MELTF: variants seen among roughly 807,000 people sequenced by gnomAD.
MELTF encodes melanotransferrin, also known as antigen p97 (melanoma associated) identified by monoclonal antibodies 133.2 and 96.5.
Under a neutral mutation model 83.7 loss-of-function variants are expected in MELTF, and 67 were observed. The ratio of observed to expected loss-of-function variants is 0.80; its 90% CI spans 0.66 to 0.98. The LOEUF is 0.98. MELTF is among the 50% of genes least tolerant of loss of function. MELTF has a pLI of 0.00. For synonymous variants in MELTF, 462 were observed against 447.6 expected (o/e 1.03, Z -0.41); for missense variants, 1,002 against 1,035.6 (o/e 0.97, Z 0.44).
rs914426736 is a variant in MELTF at position 197,029,757 on chromosome 3, G to A, written c.-55C>T. 2.2e-5 allele frequency: 25 copies of A among 1,159,762 alleles called. No homozygotes were observed. The African/African-American group carries it at 3.5e-4, about 16-fold the overall frequency. 71.8% of individuals were successfully genotyped at this position (1,159,762 alleles called of 1,614,324 possible). ...TGGGGCTGGGTCCGGGTCCGAGGAG[G>A]TCCGCAGCAGCCGGGCTTCCTCCCT... is the stretch of plus-strand genomic sequence containing the variant. On this transcript the variant is annotated 5_prime_UTR_variant, in exon 1 of 16. Transcript: ENST00000296350. This position sits in a 1 kb window ranked among gnomAD's most constrained non-coding sequence, Gnocchi z 6.5.
At position 197,009,769 on chromosome 3, in the gene MELTF, T is replaced by A; in HGVS notation, c.1374A>T (p.Arg458Ser). The change falls in exon 11 of 16, where the codon AGA (arginine) becomes AGT (serine). Residue 458 changes from arginine to serine, a missense_variant. By Grantham distance (110) the Arg-to-Ser change is moderately radical. Coordinates refer to ENST00000296350, the MANE Select transcript of MELTF (RefSeq NM_005929.6). ...AGGTGAAGGCGTGGGAGCTGTCCCG[T>A]CTCACCACGGCCACCACGTAGTACG... ...SNSYYVVAVV[R>S]RDSSHAFTLD... The A allele has an allele frequency of 6.2e-7, 1 of 1,613,354 alleles. No individual in the cohort carries two copies.
At chr3:197,019,250 A>C in intron 6 of MELTF, 1 of 1,021,000 alleles carries the variant, frequency 9.8e-7, no homozygotes, top group African/African-American at 1.7e-5. Context: ...CTGGGGCATC[A>C]TTTGCCTTCC....
At chr3:197,016,931 C>A (rs1010539601) in intron 7 of MELTF, among the ~76,000 whole-genome samples, 172 bp downstream of exon 7, 3 of 152,202 alleles carry the variant, frequency 2.0e-5, no homozygotes, top group African/African-American at 7.2e-5. Context: ...GGCCAGCCCT[C>A]CTTCTGGCCA....
At position 197,006,679 on chromosome 3, in the gene MELTF, C is replaced by A; in HGVS notation, c.1808G>T (p.Cys603Phe). ...ELRSEDYELL[C>F]PNGARAEVSQ... ...CACCTCGGCTCGGGCCCCGTTGGGG[C>A]ACAGCAGTTCATAGTCCTCTGACCT... Residue 603 changes from cysteine to phenylalanine, a missense_variant, in exon 14 of 16, where the codon TGC becomes TTC. Coordinates refer to ENST00000296350, the MANE Select transcript of MELTF (RefSeq NM_005929.6). The surrounding 1 kb of genome is among the most constrained non-coding windows in gnomAD (Gnocchi z 5.4). The A allele has an allele frequency of 6.3e-7, 1 of 1,587,620 alleles. No individual in the cohort carries two copies. The highest frequency in any genetic ancestry group is 1.7e-5 in the Admixed American group (1 of 57,756).
At chr3:197,018,477 T>TA (rs1290079812) in intron 6 of MELTF, among the ~76,000 whole-genome samples, 1 of 138,428 alleles carries the variant, frequency 7.2e-6, no homozygotes. Context: ...GATGGAGTCT[T>TA]ACTCTGTCGC....
intron 6 of MELTF, chr3:197,018,865 G>C (rs949831902): frequency 8.8e-6 from 8 of 909,930 alleles, no homozygotes; most frequent in Non-Finnish European, 7.9e-6. Flanking sequence ...TTTCTCGATA[G>C]AAAAGAAAAT....
chr3:197,026,562 A>T (rs1248737656), intron 3 of MELTF, 98 bp downstream of exon 3: 5 of 1,054,304 alleles, frequency 4.7e-6, no homozygotes, highest in Non-Finnish European at 7.3e-6. Context: ...CTCTGTGGAC[A>T]GGGCTGATGG....
At chr3:197,013,106 G>A (rs1719244218) in intron 9 of MELTF, among the ~76,000 whole-genome samples, 1 of 152,166 alleles carries the variant, frequency 6.6e-6, no homozygotes, top group African/African-American at 2.4e-5. Context: ...GGAACCACAA[G>A]GGACCCTGAA....
At chr3:197,018,441 A>G (rs11717812) in intron 6 of MELTF, among the ~76,000 whole-genome samples, 35,291 of 143,706 alleles carry the variant, frequency 0.25, 4,177 homozygotes, top group Middle Eastern at 0.41. Context: ...GTGAGCCTCC[A>G]CACCTGGCCT....
At position 197,029,628 on chromosome 3, in the gene MELTF, CT is replaced by C. The variant is rs1560228498; in HGVS notation, c.49+25del. The C allele has an allele frequency of 8.1e-7, 1 of 1,241,522 alleles. No homozygotes were observed. 76.9% of individuals were successfully genotyped at this position (1,241,522 alleles called of 1,614,324 possible). A position where few individuals can be genotyped will look rare whatever the true frequency, so the allele number is the denominator to read the frequency against. On this transcript the variant is annotated intron_variant, in intron 1 of 15. Coordinates refer to ENST00000296350, the MANE Select transcript of MELTF (RefSeq NM_005929.6). This position sits in a 1 kb window ranked among gnomAD's most constrained non-coding sequence, Gnocchi z 6.5. ...GCGGCGCCCCGGGACCCCCGCCCGC[CT>C]TTGGCTCTCACAGCGGGGCCTCACC...
rs1030936441 is a variant in MELTF, at chr3:197,008,180, C to A, written c.1750+477G>T. ...CAGGAAGGTGACTCCAGGAAGAAAACCCCCTGTGTGGTATGTTGGGCGTGC... is the reference window on the plus strand; with the variant it reads ...CAGGAAGGTGACTCCAGGAAGAAAAACCCCTGTGTGGTATGTTGGGCGTGC... On this transcript the variant is annotated intron_variant, in intron 13 of 15. Coordinates refer to ENST00000296350, the MANE Select transcript of MELTF (RefSeq NM_005929.6). This position sits in a 1 kb window ranked among gnomAD's most constrained non-coding sequence, Gnocchi z 5.4. Among the ~76,000 whole-genome samples, 1 of 152,166 alleles carries A rather than the reference C, an allele frequency of 6.6e-6. No individual in the cohort carries two copies. The highest frequency in any genetic ancestry group is 1.5e-5 in the Non-Finnish European group (1 of 68,032).
chr3:197,023,178 G>T, intron 4 of MELTF, 65 bp from the exon 5 acceptor site: 1 of 1,513,572 alleles, frequency 6.6e-7, no homozygotes, highest in Non-Finnish European at 9.1e-7. Context: ...AAGCCCCCAG[G>T]GTCAGCAGGG....
At position 197,024,459 on chromosome 3, in the gene MELTF, C is replaced by A; in HGVS notation, c.331G>T (p.Ala111Ser). ...QEVGTSYYAVAVVRRSSHVTI... is the reference protein window; with the variant it reads ...QEVGTSYYAVSVVRRSSHVTI... Reference sequence around the variant, plus strand: ...ACATGGGAGCTCCTCCTGACCACAGCCACGGCGTAATAGGAGGTACCGACC... The same window carrying A: ...ACATGGGAGCTCCTCCTGACCACAGACACGGCGTAATAGGAGGTACCGACC... Residue 111 changes from alanine (A) to serine (S), a missense_variant, in exon 4 of 16, where the codon GCT becomes TCT. Coordinates refer to ENST00000296350, the MANE Select transcript of MELTF (RefSeq NM_005929.6). This position sits in a 1 kb window ranked among gnomAD's most constrained non-coding sequence, Gnocchi z 5.3. The A allele has an allele frequency of 6.3e-7, 1 of 1,598,908 alleles. No individual in the cohort carries two copies. Among genetic ancestry groups the A allele is most frequent in the Non-Finnish European group, 8.5e-7 (1 of 1,169,636 alleles).
rs1560213364 is a variant in MELTF, at chr3:197,010,800, G to A, written c.1234-6C>T. 6.2e-7 allele frequency: 1 copy of A among 1,613,200 alleles called. No homozygotes were observed. The highest frequency in any genetic ancestry group is 8.5e-7 in the Non-Finnish European group (1 of 1,179,924). On this transcript the variant is annotated splice_polypyrimidine_tract_variant and splice_region_variant and intron_variant, in intron 9 of 15. Transcript: ENST00000296350. ...ACAGCGTCGACCTGCTCAGCCTGAA[G>A]GGAATAGAAGAAGCCACTGGGCCGG...
At position 197,002,762 on chromosome 3, in the gene MELTF, G is replaced by A. The variant is rs1718789653; in HGVS notation, c.*610C>T. 6.6e-6 allele frequency: 1 copy of A among 152,322 alleles called. No individual in the cohort carries two copies. Among genetic ancestry groups the A allele is most frequent in the Non-Finnish European group, 1.5e-5 (1 of 68,130 alleles). 9.4% of individuals were successfully genotyped at this position (152,322 alleles called of 1,614,324 possible). A position where few individuals can be genotyped will look rare whatever the true frequency, so the allele number is the denominator to read the frequency against. ...CACAGTGGGGGACGAGGCAGGGCAC[G>A]CGGCGTTCCCCGGGCTCGGCCTCCC... On this transcript the variant is annotated 3_prime_UTR_variant, in exon 16 of 16. Transcript: ENST00000296350.
rs759625442 is a variant in MELTF, at chr3:197,009,737, T to A, written c.1406A>T (p.Glu469Val). The change falls in exon 11 of 16, where the codon GAG becomes GTG. Residue 469 changes from glutamate to valine, a missense_variant. Glu to Val is a moderately radical substitution (Grantham distance 121). Transcript: ENST00000296350. ...GTGGCAGGAGCGCTTGCCCCGAAGC[T>A]CATCCAAGGTGAAGGCGTGGGAGCT... ...RDSSHAFTLDELRGKRSCHAG... is the reference protein window; with the variant it reads ...RDSSHAFTLDVLRGKRSCHAG... The A allele has an allele frequency of 5.0e-6, 8 of 1,613,422 alleles. No homozygotes were observed. The highest frequency in any genetic ancestry group is 6.8e-6 in the Non-Finnish European group (8 of 1,180,020).
At chr3:197,012,481 C>T (rs1719225027) in intron 9 of MELTF, among the ~76,000 whole-genome samples, 1 of 152,252 alleles carries the variant, frequency 6.6e-6, no homozygotes, top group African/African-American at 2.4e-5. Flanking sequence ...TGTATTCTTG[C>T]CCGGTCTCCT....
At chr3:197,026,542 T>G in intron 3 of MELTF, 118 bp downstream of exon 3, 1 of 866,594 alleles carries the variant, frequency 1.2e-6, no homozygotes. Flanking sequence ...TGGCTGGGAC[T>G]CCAGGACTGC....
intron 6 of MELTF, among the ~76,000 whole-genome samples, chr3:197,020,292 T>C (rs569716091): frequency 6.6e-6 from 1 of 152,300 alleles, no homozygotes; most frequent in African/African-American, 2.4e-5. Context: ...GAAATGGGCA[T>C]GAAGGACAGA....
Sources: gnomAD v4.1 joint callset for allele counts (sites outside exome capture counted in the v4.1 genomes callset) on GRCh38, gnomAD v4.1.1 for gene constraint, Gnocchi (gnomAD v3.1) non-coding constraint, MANE v1.5 for transcripts, NCBI Gene and HGNC (gene_info 2026-07-23, HGNC 2026-07-21) for gene names.